GHR: variants seen among roughly 807,000 people sequenced by gnomAD.
The protein encoded by GHR is GH receptor.
In GHR, 35 loss-of-function variants were observed where a neutral mutation model predicts 67.1. That is an observed-to-expected ratio of 0.52 (90% CI 0.40 to 0.69). The LOEUF is 0.69. GHR is among the 30% of genes least tolerant of loss of function. The pLI is 0.00. For missense variants in GHR, 792 were observed against 764.6 expected, an observed-to-expected ratio of 1.04 and a Z score of -0.42; for synonymous variants, 272 against 269.1, an observed-to-expected ratio of 1.01 and a Z score of -0.10.
intron 3 of GHR, among the ~76,000 whole-genome samples, chr5:42,679,126 T>A (rs1561221199): frequency 1.4e-5 from 2 of 140,004 alleles, no homozygotes; most frequent in East Asian, 5.2e-4. Context: ...ATATATTATA[T>A]ATTAATTAAT....
chr5:42,701,141 T>G (rs1016288522), intron 6 of GHR, among the ~76,000 whole-genome samples: 1 of 152,168 alleles, frequency 6.6e-6, no homozygotes, highest in Non-Finnish European at 1.5e-5. Context: ...ATTTTCACAA[T>G]ACACTAAAAT....
chr5:42,698,556 T>G (rs10074740), intron 5 of GHR, among the ~76,000 whole-genome samples: 99,659 of 151,918 alleles, frequency 0.66, 33,847 homozygotes, highest in East Asian at 0.84. Flanking sequence ...CTCTCCCTGT[T>G]TTTAAAAAGG....
chr5:42,561,682 G>A (rs1451500625), intron 1 of GHR, among the ~76,000 whole-genome samples: 1 of 152,194 alleles, frequency 6.6e-6, no homozygotes, highest in Non-Finnish European at 1.5e-5. Context: ...AAATGCCTCA[G>A]GCTTTGAGGG....
chr5:42,471,368 TATG>T (rs1745004519), intron 1 of GHR, among the ~76,000 whole-genome samples: 1 of 152,168 alleles, frequency 6.6e-6, no homozygotes, highest in Non-Finnish European at 1.5e-5. Flanking sequence ...CTTTAAAAAA[TATG>T]AGGACTGGAA....
chr5:42,501,659 C>T (rs1428750825), intron 1 of GHR, among the ~76,000 whole-genome samples: 1 of 152,172 alleles, frequency 6.6e-6, no homozygotes, highest in Non-Finnish European at 1.5e-5. Flanking sequence ...TTCCCCTCAA[C>T]TCATGACAAC....
rs1008832952 is a variant in GHR at position 42,429,986 on chromosome 5, G to T, written c.-12+6031G>T. Among the ~76,000 whole-genome samples the T allele has an allele frequency of 2.0e-5, 3 of 152,150 alleles. No homozygotes were observed. The South Asian group carries it at 6.2e-4, about 32-fold the overall frequency. On this transcript the variant is annotated intron_variant, in intron 1 of 9. Transcript: ENST00000230882. Reference sequence around the variant, plus strand: ...AATAAAGATACTTCCTTGGGCAACTGGGATTTAAGATGTGCATGCAGGACA... The same window carrying T: ...AATAAAGATACTTCCTTGGGCAACTTGGATTTAAGATGTGCATGCAGGACA...
At chr5:42,564,538 A>G (rs1749818737) in intron 1 of GHR, among the ~76,000 whole-genome samples, 5 of 152,180 alleles carry the variant, frequency 3.3e-5, no homozygotes, top group African/African-American at 2.4e-5. Flanking sequence ...CAAGAAGACA[A>G]TTTAGTTTAC....
At chr5:42,474,309 G>GAAAGAAAGAAAGAAAGAAAGAAAGAA in intron 1 of GHR, among the ~76,000 whole-genome samples, 1 of 141,506 alleles carries the variant, frequency 7.1e-6, no homozygotes, top group Non-Finnish European at 1.6e-5. Flanking sequence ...AAGAAAGAAA[G>GAAAGAAAGAAAGAAAGAAAGAAAGAA]AAAGAAAGAA....
At chr5:42,569,658 TTGA>T (rs1241203084) in intron 2 of GHR, among the ~76,000 whole-genome samples, 4 of 152,072 alleles carry the variant, frequency 2.6e-5, no homozygotes, top group African/African-American at 9.7e-5. Context: ...ACATGTAATA[TTGA>T]TATATAATAT....
intron 3 of GHR, among the ~76,000 whole-genome samples, chr5:42,668,509 A>T (rs1039790075): frequency 2.0e-5 from 3 of 152,130 alleles, no homozygotes; most frequent in African/African-American, 7.2e-5. Flanking sequence ...TGGGAAACTC[A>T]TTCATGGTTG....
At chr5:42,600,509 C>T (rs1752320300) in intron 2 of GHR, among the ~76,000 whole-genome samples, 1 of 152,232 alleles carries the variant, frequency 6.6e-6, no homozygotes, top group African/African-American at 2.4e-5. Context: ...GTGAGGAAAT[C>T]CCCTGCTACT....
intron 1 of GHR, among the ~76,000 whole-genome samples, chr5:42,499,084 T>G (rs1746433146): frequency 6.6e-6 from 1 of 152,212 alleles, no homozygotes; most frequent in Admixed American, 6.5e-5. Flanking sequence ...CATGTGCCAG[T>G]GAAGAGTGGC....
intron 2 of GHR, among the ~76,000 whole-genome samples, chr5:42,587,314 A>T (rs1751528937): frequency 6.6e-6 from 1 of 152,236 alleles, no homozygotes. Context: ...TTTCCTCCAA[A>T]CAAAGCAACC....
chr5:42,564,551 A>T (rs189853423), intron 1 of GHR, among the ~76,000 whole-genome samples: 1 of 152,332 alleles, frequency 6.6e-6, no homozygotes, highest in Non-Finnish European at 1.5e-5. Context: ...TAGTTTACAT[A>T]GAGATGTGCT....
intron 1 of GHR, among the ~76,000 whole-genome samples, chr5:42,463,992 C>CAAAAAAAAAA (rs70991406): frequency 2.1e-5 from 1 of 46,512 alleles, no homozygotes; most frequent in Non-Finnish European, 3.6e-5. Flanking sequence ...GACTCCGTCT[C>CAAAAAAAAAA]AAAAAAAAAA....
At chr5:42,529,417 G>A (rs115940474) in intron 1 of GHR, among the ~76,000 whole-genome samples, 3,739 of 152,222 alleles carry the variant, frequency 0.025, 90 homozygotes, top group Non-Finnish European at 0.032. Flanking sequence ...GTATCTTCAA[G>A]GTATGTCTGT....
At chr5:42,486,346 C>T (rs1414642700) in intron 1 of GHR, among the ~76,000 whole-genome samples, 2 of 152,192 alleles carry the variant, frequency 1.3e-5, no homozygotes, top group African/African-American at 4.8e-5. Flanking sequence ...CTCTTTGAAT[C>T]TTTTATATCA....
Position 42,565,879 on chromosome 5 carries a change from A to G in GHR, c.5A>G (p.Asp2Gly). 6.2e-7 allele frequency: 1 copy of G among 1,613,948 alleles called. No homozygotes were observed. The highest frequency in any genetic ancestry group is 8.5e-7 in the Non-Finnish European group (1 of 1,179,890). ...GTGATTGCAGGTCCTACAGGTATGGATCTCTGGCAGCTGCTGTTGACCTTG... is the reference window on the plus strand; with the variant it reads ...GTGATTGCAGGTCCTACAGGTATGGGTCTCTGGCAGCTGCTGTTGACCTTG... M[D>G]LWQLLLTLAL... Residue 2 changes from aspartate to glycine, a missense_variant, in exon 2 of 10, where the codon GAT becomes GGT. Coordinates refer to ENST00000230882, the MANE Select transcript of GHR (RefSeq NM_000163.5).
intron 1 of GHR, among the ~76,000 whole-genome samples, chr5:42,543,428 G>A (rs1409313676): frequency 1.3e-5 from 2 of 152,078 alleles, no homozygotes; most frequent in Non-Finnish European, 2.9e-5. Context: ...GAGTCTTTTG[G>A]TGGTAAAGTA....
Sources: gnomAD v4.1 joint callset for allele counts (sites outside exome capture counted in the v4.1 genomes callset) on GRCh38, gnomAD v4.1.1 for gene constraint, MANE v1.5 for transcripts, NCBI Gene and HGNC (gene_info 2026-07-23, HGNC 2026-07-21) for gene names.